Variants in MEIS1 observed in about 807,000 individuals in gnomAD.
The protein encoded by MEIS1 is Meis homeobox 1, also known as homeobox protein Meis1.
MEIS1 carries 5 observed loss-of-function variants against 50.8 expected under a neutral mutation model. The observed-to-expected ratio is 0.10, with a 90% CI of 0.05 to 0.21. MEIS1 has a LOEUF of 0.21. Among genes scored for constraint, MEIS1 ranks in the 10% least tolerant of loss-of-function variants. The probability of loss-of-function intolerance (pLI) is 1.00; values close to 1 mark genes in which losing one functional copy is unlikely to be tolerated. For synonymous variants in MEIS1, 176 were observed against 179.3 expected, an observed-to-expected ratio of 0.98 and a Z score of 0.15; for missense variants, 318 against 517.3, an observed-to-expected ratio of 0.61 and a Z score of 3.74.
intron 8 of MEIS1, among the ~76,000 whole-genome samples, chr2:66,528,687 C>T (rs1196284366): frequency 6.6e-6 from 1 of 152,208 alleles, no homozygotes; most frequent in Non-Finnish European, 1.5e-5. Flanking sequence ...TTTCTCCGTT[C>T]GTTCCCCAGC....
chr2:66,460,272 A>G (rs889902170), intron 6 of MEIS1, among the ~76,000 whole-genome samples: 1 of 152,160 alleles, frequency 6.6e-6, no homozygotes, highest in African/African-American at 2.4e-5. Context: ...GAAGATTAAG[A>G]TACCATTCTC....
intron 1 of MEIS1, among the ~76,000 whole-genome samples, chr2:66,436,113 G>C (rs1280262386): frequency 6.6e-6 from 1 of 152,012 alleles, no homozygotes; most frequent in African/African-American, 2.4e-5. Context: ...AAATAAAAAT[G>C]CAAGCTCAAA....
chr2:66,439,464 C>G, intron 2 of MEIS1: 1 of 1,370,864 alleles, frequency 7.3e-7, no homozygotes, highest in Non-Finnish European at 9.4e-7. Flanking sequence ...CCGCCCGGCG[C>G]CTTTCTCCTC....
Position 66,437,760 on chromosome 2 carries a change from G to T in MEIS1, c.36G>T (p.Gly12=). The T allele has an allele frequency of 1.9e-6, 3 of 1,613,766 alleles. No individual in the cohort carries two copies. The highest frequency in any genetic ancestry group is 1.7e-6 in the Non-Finnish European group (2 of 1,179,860). The stretch of plus-strand genomic sequence containing the variant: ...AGTACGACGATCTACCCCATTACGG[G>T]GGCATGGATGGAGTAGGCATCCCCT... The part of the protein sequence containing the change: ...AQRYDDLPHY[G]GMDGVGIPST... Residue 12 remains glycine, a synonymous_variant, in exon 2 of 13, where the codon GGG becomes GGT. Coordinates refer to ENST00000272369, the MANE Select transcript of MEIS1 (RefSeq NM_002398.3).
intron 8 of MEIS1, among the ~76,000 whole-genome samples, chr2:66,536,681 A>G (rs1036297961): frequency 2.0e-5 from 3 of 152,266 alleles, no homozygotes; most frequent in African/African-American, 7.2e-5. Flanking sequence ...AATGTCAATC[A>G]ACTAGCTAAA....
intron 1 of MEIS1, among the ~76,000 whole-genome samples, chr2:66,436,249 G>A (rs1232764142): frequency 6.6e-6 from 1 of 152,112 alleles, no homozygotes; most frequent in African/African-American, 2.4e-5. Flanking sequence ...ATATGTTATT[G>A]ATTATGCTCA....
chr2:66,465,425 C>T (rs1672610398), intron 7 of MEIS1, among the ~76,000 whole-genome samples: 1 of 152,128 alleles, frequency 6.6e-6, no homozygotes, highest in African/African-American at 2.4e-5. Context: ...TGATATGCAG[C>T]ATAAATCCAA....
In MEIS1 at chr2:66,571,238, T is replaced by C; in HGVS notation, c.*38-8T>C. The C allele has an allele frequency of 6.4e-7, 1 of 1,567,506 alleles. No individual in the cohort carries two copies. The highest frequency in any genetic ancestry group is 8.6e-7 in the Non-Finnish European group (1 of 1,158,430). Reference sequence around the variant, plus strand: ...TCTTTTTGTTTCTTTCTTTTGAATTTCTTACAGGGCTGCAAAGTATGCCAG... The same window carrying C: ...TCTTTTTGTTTCTTTCTTTTGAATTCCTTACAGGGCTGCAAAGTATGCCAG... On this transcript the variant is annotated splice_region_variant and splice_polypyrimidine_tract_variant and intron_variant, in intron 12 of 12. Coordinates refer to ENST00000272369, the MANE Select transcript of MEIS1 (RefSeq NM_002398.3).
chr2:66,571,687 C>A lies in MEIS1; in HGVS notation c.*479C>A. 4.0e-6 allele frequency: 3 copies of A among 747,384 alleles called. No homozygotes were observed. Among genetic ancestry groups the A allele is most frequent in the South Asian group, 1.9e-5 (1 of 53,716 alleles). 46.3% of individuals were successfully genotyped at this position (747,384 alleles called of 1,614,324 possible). On this transcript the variant is annotated 3_prime_UTR_variant, in exon 13 of 13. Coordinates refer to ENST00000272369, the MANE Select transcript of MEIS1 (RefSeq NM_002398.3). Reference sequence around the variant, plus strand: ...AAAAGCAGGAAATACCAACTGAAGTCAATTTGGGGGACATGCTAAATAACT... The same window carrying A: ...AAAAGCAGGAAATACCAACTGAAGTAAATTTGGGGGACATGCTAAATAACT...
chr2:66,541,571 G>T (rs1324751032), intron 8 of MEIS1, among the ~76,000 whole-genome samples: 1 of 152,108 alleles, frequency 6.6e-6, no homozygotes, highest in Non-Finnish European at 1.5e-5. Flanking sequence ...AGAAATCAGA[G>T]AGATTGTCTG....
Position 66,510,722 on chromosome 2 carries a change from CTTT to C in MEIS1, c.743-1422_743-1420del, listed in dbSNP as rs945818394. Among the ~76,000 whole-genome samples, 26 of 151,686 alleles carry C rather than the reference CTTT, an allele frequency of 1.7e-4. 1 individual carries two copies. The highest frequency in any genetic ancestry group is 4.6e-4 in the Admixed American group (7 of 15,234). On this transcript the variant is annotated intron_variant, in intron 7 of 12. Transcript: ENST00000272369. ...AAAAATTGAGGAATGCTTTTCTTTT[CTTT>C]TTTTCACAGGAGAGAGATGGGTCTG...
rs1478007509 is a variant in MEIS1, at chr2:66,435,709, C to G, written c.-148C>G. ...CCGAAGATCTGGGACCAGTAGCTCACGTTGCTGGAGACGTTAAGGGATTTT... is the reference window on the plus strand; with the variant it reads ...CCGAAGATCTGGGACCAGTAGCTCAGGTTGCTGGAGACGTTAAGGGATTTT... On this transcript the variant is annotated 5_prime_UTR_variant, in exon 1 of 13. Transcript: ENST00000272369. 1 of 668,672 alleles carries G rather than the reference C, an allele frequency of 1.5e-6. No individual in the cohort carries two copies. Among genetic ancestry groups the G allele is most frequent in the Non-Finnish European group, 2.4e-6 (1 of 418,046 alleles). 41.4% of individuals were successfully genotyped at this position (668,672 alleles called of 1,614,324 possible).
At chr2:66,438,909 T>C (rs1671871453) in intron 2 of MEIS1, among the ~76,000 whole-genome samples, 2 of 152,140 alleles carry the variant, frequency 1.3e-5, no homozygotes, top group African/African-American at 2.4e-5. Context: ...CCCACCGTTC[T>C]GTCCGCAGAG....
chr2:66,533,231 T>A (rs1393455103), intron 8 of MEIS1, among the ~76,000 whole-genome samples: 1 of 152,124 alleles, frequency 6.6e-6, no homozygotes, highest in Non-Finnish European at 1.5e-5. Context: ...ACTTCTGACT[T>A]CCAACCACCA....
At chr2:66,557,263 T>C in intron 9 of MEIS1, among the ~76,000 whole-genome samples, 1 of 152,184 alleles carries the variant, frequency 6.6e-6, no homozygotes, top group Non-Finnish European at 1.5e-5. Context: ...AATGTACTTA[T>C]TTTTAACAGC....
chr2:66,539,794 G>T (rs891414704), intron 8 of MEIS1, among the ~76,000 whole-genome samples: 76 of 152,274 alleles, frequency 5.0e-4, no homozygotes, highest in African/African-American at 1.7e-3. Context: ...CATGGGTCAA[G>T]GTTCTGATGA....
intron 9 of MEIS1, among the ~76,000 whole-genome samples, chr2:66,558,591 T>C (rs1440088593): frequency 5.3e-5 from 8 of 152,186 alleles, no homozygotes; most frequent in Admixed American, 5.2e-4. Flanking sequence ...GAGGTCACAG[T>C]GAACATTCCA....
At position 66,539,947 on chromosome 2, in the gene MEIS1, C is replaced by A. The variant is rs181988637; in HGVS notation, c.889-7996C>A. ...ACCATGATTAATAACATGGTTCATA[C>A]TCCCTTATAATATATTTTTTGTTAA... On this transcript the variant is annotated intron_variant, in intron 8 of 12. Transcript: ENST00000272369. 7.2e-5 allele frequency among the ~76,000 whole-genome samples: 11 copies of A among 152,240 alleles called. No individual in the cohort carries two copies. In the East Asian group the frequency reaches 1.9e-3, roughly 27 times the overall value.
At chr2:66,503,074 T>C (rs1673595742) in intron 7 of MEIS1, among the ~76,000 whole-genome samples, 1 of 152,208 alleles carries the variant, frequency 6.6e-6, no homozygotes, top group Non-Finnish European at 1.5e-5. Context: ...GCTTTTCCAT[T>C]GTCCCCCATT....
Sources: allele counts gnomAD v4.1 joint callset (sites outside exome capture counted in the v4.1 genomes callset), GRCh38; gene constraint gnomAD v4.1.1; transcripts MANE v1.5; gene names NCBI Gene and HGNC (gene_info 2026-07-23, HGNC 2026-07-21).